The following MYO1D variants were observed in gnomAD, a reference collection of about 807,000 sequenced individuals.
MYO1D encodes the protein unconventional myosin-Id.
In MYO1D, 83 loss-of-function variants were observed where a neutral mutation model predicts 122.0. The ratio of observed to expected loss-of-function variants is 0.68; its 90% CI spans 0.57 to 0.82. MYO1D has a LOEUF of 0.82. Among genes scored for constraint, MYO1D ranks in the 40% least tolerant of loss-of-function variants. MYO1D has a pLI of 0.00. For synonymous variants in MYO1D, 464 were observed against 446.9 expected (o/e 1.04, Z -0.48); for missense variants, 1,157 against 1,269.5 (o/e 0.91, Z 1.35).
intron 19 of MYO1D, among the ~76,000 whole-genome samples, chr17:32,652,923 C>T (rs751295463): frequency 1.4e-4 from 22 of 152,132 alleles, no homozygotes; most frequent in Admixed American, 5.9e-4. Context: ...GGGCGGATCA[C>T]GAGGTCAGGA....
At chr17:32,758,243 G>T (rs2089967859) in intron 10 of MYO1D, among the ~76,000 whole-genome samples, 1 of 152,064 alleles carries the variant, frequency 6.6e-6, no homozygotes, top group African/African-American at 2.4e-5. Context: ...AGATTGCAAA[G>T]AGAGATCATT....
chr17:32,624,431 G>A (rs751548419), intron 20 of MYO1D, among the ~76,000 whole-genome samples: 1 of 151,734 alleles, frequency 6.6e-6, no homozygotes, highest in Admixed American at 6.6e-5. Context: ...GTATGACCTG[G>A]GTATCAGTAA....
At position 32,764,184 on chromosome 17, in the gene MYO1D, T is replaced by C. The variant is rs140538484; in HGVS notation, c.1035+694A>G. 2.3e-3 allele frequency among the ~76,000 whole-genome samples: 343 copies of C among 152,202 alleles called. 1 individual carries two copies. The highest frequency in any genetic ancestry group is 7.4e-3 in the African/African-American group (309 of 41,518). On this transcript the variant is annotated intron_variant, in intron 8 of 21. Transcript: ENST00000318217. ...TAAGCCAGGCACAAAAAGACAAATATTGTGTGATCTCACCTATATGCAATC... is the reference window on the plus strand; with the variant it reads ...TAAGCCAGGCACAAAAAGACAAATACTGTGTGATCTCACCTATATGCAATC...
intron 21 of MYO1D, among the ~76,000 whole-genome samples, chr17:32,527,180 C>T (rs1312021602): frequency 6.6e-6 from 1 of 152,184 alleles, no homozygotes; most frequent in East Asian, 1.9e-4. Context: ...GCCTGGGATC[C>T]AACTTTCTGC....
intron 8 of MYO1D, 140 bp from the exon 9 acceptor site, chr17:32,760,767 T>G: frequency 1.2e-6 from 1 of 853,488 alleles, no homozygotes; most frequent in Non-Finnish European, 1.7e-6. Flanking sequence ...CAAATGAAAA[T>G]GTAGACTGTC....
rs149803973 is a variant in MYO1D, at chr17:32,799,346, A to G, written c.96-18562T>C. On this transcript the variant is annotated intron_variant, in intron 1 of 21. Coordinates refer to ENST00000318217, the MANE Select transcript of MYO1D (RefSeq NM_015194.3). ...TGGTTGCCAATTTAAGACAAATAGT[A>G]TATTTTTTAAGTATCATCCCAACCA... Among the ~76,000 whole-genome samples the G allele has an allele frequency of 1.1e-3, 166 of 152,328 alleles. 2 individuals carry two copies. The highest frequency in any genetic ancestry group is 2.6e-3 in the Admixed American group (40 of 15,302).
intron 12 of MYO1D, among the ~76,000 whole-genome samples, chr17:32,746,899 A>G (rs1476246548): frequency 6.6e-6 from 1 of 152,226 alleles, no homozygotes; most frequent in East Asian, 1.9e-4. Context: ...AAGTTTCTTC[A>G]TCTGTAAAAT....
At chr17:32,822,827 ACCGGCTGCCGCC>A (rs2090686385) in intron 1 of MYO1D, among the ~76,000 whole-genome samples, 3 of 151,118 alleles carry the variant, frequency 2.0e-5, no homozygotes, top group Non-Finnish European at 4.4e-5. Flanking sequence ...TCCGGGGTCG[ACCGGCTGCCGCC>A]CGCGGGCGTG....
intron 16 of MYO1D, among the ~76,000 whole-genome samples, chr17:32,680,918 A>AC (rs1263689497): frequency 3.3e-5 from 5 of 152,096 alleles, no homozygotes; most frequent in African/African-American, 1.2e-4. Context: ...GATTATTGCC[A>AC]CAATTTCAGA....
intron 20 of MYO1D, among the ~76,000 whole-genome samples, chr17:32,628,122 GT>G (rs2087952067): frequency 2.0e-5 from 3 of 152,054 alleles, no homozygotes; most frequent in Admixed American, 1.3e-4. Context: ...GCAACCACAA[GT>G]CCCCCAGCTC....
chr17:32,781,425 T>C (rs2090237193), intron 1 of MYO1D, among the ~76,000 whole-genome samples: 1 of 152,192 alleles, frequency 6.6e-6, no homozygotes, highest in Admixed American at 6.5e-5. Flanking sequence ...ATACATAATC[T>C]TACAGATTGG....
intron 21 of MYO1D, chr17:32,498,701 C>T (rs923980045): frequency 4.6e-5 from 7 of 152,314 alleles, no homozygotes; most frequent in South Asian, 2.1e-4. Flanking sequence ...TTTCTCGCTT[C>T]GCAGAAGGAA....
At chr17:32,670,687 T>C (rs997999255) in intron 16 of MYO1D, among the ~76,000 whole-genome samples, 1 of 152,232 alleles carries the variant, frequency 6.6e-6, no homozygotes, top group Non-Finnish European at 1.5e-5. Flanking sequence ...TTTTACACCA[T>C]GTCCACTTTC....
At chr17:32,563,497 G>A (rs563078455) in intron 21 of MYO1D, among the ~76,000 whole-genome samples, 3 of 152,106 alleles carry the variant, frequency 2.0e-5, no homozygotes, top group Admixed American at 6.5e-5. Flanking sequence ...GATTACAGGC[G>A]TGTGCCACCG....
At chr17:32,758,659 T>C (rs1598072043) in intron 10 of MYO1D, among the ~76,000 whole-genome samples, 2 of 152,108 alleles carry the variant, frequency 1.3e-5, no homozygotes, top group East Asian at 3.8e-4. Context: ...GTATATAGGG[T>C]TTACTGTACT....
intron 11 of MYO1D, among the ~76,000 whole-genome samples, chr17:32,754,866 A>G (rs566602359): frequency 6.6e-6 from 1 of 152,336 alleles, no homozygotes; most frequent in South Asian, 2.1e-4. Flanking sequence ...TGATATGTCC[A>G]TATCAGCACA....
At position 32,642,724 on chromosome 17, in the gene MYO1D, C is replaced by CTGTT. The variant is rs563291648; in HGVS notation, c.2596-3890_2596-3889insAACA. On this transcript the variant is annotated intron_variant, in intron 19 of 21. Transcript: ENST00000318217. The stretch of plus-strand genomic sequence containing the variant: ...GGGAGTTCACTCATGATTTGGCTCT[C>CTGTT]TGTCTGTTATTGGTGTATAAGAATG... Among the ~76,000 whole-genome samples the CTGTT allele has an allele frequency of 4.8e-4, 73 of 151,700 alleles. No homozygotes were observed. The South Asian group carries it at 0.013, about 28-fold the overall frequency.
chr17:32,705,582 T>A (rs367863363), intron 16 of MYO1D, among the ~76,000 whole-genome samples: 1 of 152,244 alleles, frequency 6.6e-6, no homozygotes, highest in East Asian at 1.9e-4. Flanking sequence ...TAATTCTTGA[T>A]ACTGAGTAGT....
At chr17:32,708,641 G>A (rs1686667590) in intron 16 of MYO1D, among the ~76,000 whole-genome samples, 2 of 152,088 alleles carry the variant, frequency 1.3e-5, no homozygotes, top group Admixed American at 1.3e-4. Context: ...TATGGCCTGT[G>A]GAGTTGATCC....
Sources: gnomAD v4.1 joint callset for allele counts (sites outside exome capture counted in the v4.1 genomes callset) on GRCh38, gnomAD v4.1.1 for gene constraint, MANE v1.5 for transcripts, NCBI Gene and HGNC (gene_info 2026-07-23, HGNC 2026-07-21) for gene names.